Variants in COL26A1 observed in about 807,000 individuals in gnomAD.
COL26A1 encodes collagen type XXVI alpha 1 chain, also known as collagen alpha-1(XXVI) chain.
In COL26A1, 41 loss-of-function variants were observed where a neutral mutation model predicts 59.3. That is an observed-to-expected ratio of 0.69 (90% CI 0.54 to 0.90). The LOEUF (loss-of-function observed/expected upper bound fraction) is 0.90. COL26A1 is among the 40% of genes least tolerant of loss of function. The probability of loss-of-function intolerance (pLI) is 0.00; values close to 1 mark genes in which losing one functional copy is unlikely to be tolerated. For missense variants in COL26A1, 612 were observed against 602.3 expected, an observed-to-expected ratio of 1.02 and a Z score of -0.17; for synonymous variants, 266 against 256.0, an observed-to-expected ratio of 1.04 and a Z score of -0.37.
intron 3 of COL26A1, among the ~76,000 whole-genome samples, chr7:101,466,962 G>A (rs1428358153): frequency 1.3e-5 from 2 of 151,864 alleles, no homozygotes; most frequent in East Asian, 1.9e-4. Flanking sequence ...TGCTGCCAGC[G>A]CTGGGAGCCC....
intron 3 of COL26A1, among the ~76,000 whole-genome samples, chr7:101,462,245 G>A (rs1038590509): frequency 1.3e-5 from 2 of 151,944 alleles, no homozygotes; most frequent in Non-Finnish European, 2.9e-5. Context: ...TGATCCACCC[G>A]CCTTGGCCTC....
intron 9 of COL26A1, 75 bp from the exon 10 acceptor site, chr7:101,551,032 GA>G: frequency 6.9e-7 from 1 of 1,447,330 alleles, no homozygotes; most frequent in Non-Finnish European, 9.5e-7. Flanking sequence ...AGTGGGCGGG[GA>G]GGGGGGTGGC....
At chr7:101,550,251 G>A (rs930313022) in intron 9 of COL26A1, among the ~76,000 whole-genome samples, 5 of 152,022 alleles carry the variant, frequency 3.3e-5, no homozygotes, top group African/African-American at 9.7e-5. Context: ...GCTTGAGCCC[G>A]GGAGTTTGAG....
At chr7:101,468,605 C>T (rs1261692743) in intron 3 of COL26A1, among the ~76,000 whole-genome samples, 1 of 152,204 alleles carries the variant, frequency 6.6e-6, no homozygotes, top group Non-Finnish European at 1.5e-5. Context: ...GGGGGCTTAC[C>T]TTCCCATGAT....
At chr7:101,519,324 C>T (rs1212133091) in intron 3 of COL26A1, among the ~76,000 whole-genome samples, 1 of 152,140 alleles carries the variant, frequency 6.6e-6, no homozygotes, top group Non-Finnish European at 1.5e-5. Context: ...TTAGTTTTTC[C>T]CCTAGAGACA....
chr7:101,512,260 A>G (rs1055783104), intron 3 of COL26A1, among the ~76,000 whole-genome samples: 6 of 152,156 alleles, frequency 3.9e-5, no homozygotes, highest in African/African-American at 1.2e-4. Context: ...CCACTGGCTC[A>G]TGGAGGCAAC....
At chr7:101,507,668 C>T (rs1169432001) in intron 3 of COL26A1, among the ~76,000 whole-genome samples, 1 of 152,148 alleles carries the variant, frequency 6.6e-6, no homozygotes, top group Non-Finnish European at 1.5e-5. Flanking sequence ...ATCCTCCCTC[C>T]TCCACTTCCC....
intron 4 of COL26A1, among the ~76,000 whole-genome samples, chr7:101,537,179 GC>G (rs1795499145): frequency 6.6e-6 from 1 of 152,224 alleles, no homozygotes; most frequent in Non-Finnish European, 1.5e-5. Context: ...TCCCACTGGT[GC>G]AGACCTAGAA....
chr7:101,401,427 GAGA>G (rs919149075), intron 1 of COL26A1, among the ~76,000 whole-genome samples: 3 of 151,924 alleles, frequency 2.0e-5, no homozygotes, highest in Admixed American at 6.6e-5. Flanking sequence ...GGAGGTGGAG[GAGA>G]AGGAGAAGGA....
intron 3 of COL26A1, among the ~76,000 whole-genome samples, chr7:101,518,816 A>G (rs1017409742): frequency 7.2e-5 from 11 of 152,202 alleles, no homozygotes; most frequent in Admixed American, 6.5e-4. Context: ...ATCCCCGTCA[A>G]GTCCTGAGGG....
intron 3 of COL26A1, among the ~76,000 whole-genome samples, chr7:101,493,662 C>A (rs1171310501): frequency 6.0e-5 from 9 of 151,096 alleles, no homozygotes; most frequent in African/African-American, 2.2e-4. Flanking sequence ...GTAGCTCACG[C>A]CTGTAATCCT....
chr7:101,530,499 G>A (rs750609005), intron 3 of COL26A1, among the ~76,000 whole-genome samples: 2 of 149,590 alleles, frequency 1.3e-5, no homozygotes, highest in Admixed American at 6.8e-5. Context: ...ACTTGAGGCG[G>A]AGGTTGCAGT....
intron 2 of COL26A1, among the ~76,000 whole-genome samples, chr7:101,443,868 TTTTC>T (rs1722536773): frequency 7.5e-6 from 1 of 133,206 alleles, no homozygotes; most frequent in South Asian, 2.6e-4. Context: ...TTCCTTTTTC[TTTTC>T]TTTTTTTTTT....
At chr7:101,404,104 C>T (rs961623543) in intron 1 of COL26A1, among the ~76,000 whole-genome samples, 2 of 152,032 alleles carry the variant, frequency 1.3e-5, no homozygotes, top group East Asian at 1.9e-4. Flanking sequence ...AAGCTGTGTC[C>T]TTATTTCTGG....
At chr7:101,397,153 G>A (rs540818346) in intron 1 of COL26A1, among the ~76,000 whole-genome samples, 11 of 152,240 alleles carry the variant, frequency 7.2e-5, no homozygotes, top group African/African-American at 2.4e-4. Context: ...CCTTCTAAGG[G>A]CTCCTGTGCA....
chr7:101,443,872 C>CTTTTT (rs11352431), intron 2 of COL26A1, among the ~76,000 whole-genome samples: 3 of 124,742 alleles, frequency 2.4e-5, no homozygotes, highest in Non-Finnish European at 3.3e-5. Context: ...TTTTTCTTTT[C>CTTTTT]TTTTTTTTTT....
intron 2 of COL26A1, among the ~76,000 whole-genome samples, chr7:101,439,916 G>T (rs1449778807): frequency 1.3e-5 from 2 of 152,170 alleles, no homozygotes; most frequent in African/African-American, 4.8e-5. Flanking sequence ...CTACCATGTG[G>T]CTGGGGACTC....
intron 3 of COL26A1, among the ~76,000 whole-genome samples, chr7:101,490,854 C>T (rs1033745396): frequency 6.6e-6 from 1 of 151,894 alleles, no homozygotes; most frequent in Non-Finnish European, 1.5e-5. Flanking sequence ...CAAAAATTAG[C>T]CAGGCATGGT....
chr7:101,385,457 G>A (rs985987560), intron 1 of COL26A1, among the ~76,000 whole-genome samples: 4 of 151,024 alleles, frequency 2.6e-5, no homozygotes, highest in Admixed American at 6.6e-5. Flanking sequence ...TGCAACCTCC[G>A]CAGCCTGGGT....
Sources: gnomAD v4.1 joint callset for allele counts (sites outside exome capture counted in the v4.1 genomes callset) on GRCh38, gnomAD v4.1.1 for gene constraint, MANE v1.5 for transcripts, NCBI Gene and HGNC (gene_info 2026-07-23, HGNC 2026-07-21) for gene names.